The following HEMK2 variants were observed in gnomAD, a reference collection of about 807,000 sequenced individuals.
HEMK2 encodes the protein methyltransferase HEMK2.
chr21:28,621,865 G>A, the HEMK2 span, among the ~76,000 whole-genome samples: 1,910 of 152,268 alleles, frequency 0.013, 35 homozygotes, highest in African/African-American at 0.044. Context: ...AGGTCACTGG[G>A]GATATGATGG....
the HEMK2 span, among the ~76,000 whole-genome samples, chr21:28,826,466 C>A: frequency 6.6e-6 from 1 of 152,154 alleles, no homozygotes; most frequent in East Asian, 1.9e-4. Context: ...GTGTCATTCC[C>A]AGCATGCCAG....
chr21:28,717,184 G>T, the HEMK2 span, among the ~76,000 whole-genome samples: 1 of 152,162 alleles, frequency 6.6e-6, no homozygotes, highest in Admixed American at 6.5e-5. Flanking sequence ...GTTTCAGTAG[G>T]ATTGGGACCA....
chr21:28,841,197 ATAT>A, the HEMK2 span, among the ~76,000 whole-genome samples: 1 of 19,938 alleles, frequency 5.0e-5, no homozygotes, highest in Non-Finnish European at 7.1e-5. Flanking sequence ...TATAATATAT[ATAT>A]TATATAATAT....
chr21:28,660,850 A>G, the HEMK2 span, among the ~76,000 whole-genome samples: 1 of 152,098 alleles, frequency 6.6e-6, no homozygotes, highest in South Asian at 2.1e-4. Flanking sequence ...ACAGAACTCA[A>G]TAGTGAAGCT....
chr21:28,689,495 T>C, the HEMK2 span, among the ~76,000 whole-genome samples: 1 of 152,258 alleles, frequency 6.6e-6, no homozygotes, highest in African/African-American at 2.4e-5. Context: ...CCAGCATGTA[T>C]ATCTCAGTAA....
At chr21:28,579,175 G>C in the HEMK2 span, among the ~76,000 whole-genome samples, 1 of 152,104 alleles carries the variant, frequency 6.6e-6, no homozygotes, top group East Asian at 1.9e-4. Context: ...GAATTCTGTT[G>C]GTAGAAATAT....
At chr21:28,834,879 T>C in the HEMK2 span, among the ~76,000 whole-genome samples, 5 of 152,072 alleles carry the variant, frequency 3.3e-5, no homozygotes, top group African/African-American at 4.8e-5. Context: ...GGCTTTCCCC[T>C]ACTTCCTAGA....
the HEMK2 span, among the ~76,000 whole-genome samples, chr21:28,735,253 G>A: frequency 1.3e-5 from 2 of 152,120 alleles, no homozygotes; most frequent in African/African-American, 4.8e-5. Flanking sequence ...TAGTACAATA[G>A]GACTGGGTTC....
the HEMK2 span, among the ~76,000 whole-genome samples, chr21:28,764,625 T>G: frequency 6.6e-6 from 1 of 152,098 alleles, no homozygotes; most frequent in African/African-American, 2.4e-5. Flanking sequence ...CAGGAGAGAA[T>G]AGCGAGGGCA....
the HEMK2 span, among the ~76,000 whole-genome samples, chr21:28,758,862 A>G: frequency 5.9e-5 from 9 of 152,190 alleles, no homozygotes; most frequent in African/African-American, 2.4e-5. Context: ...CAGAAAGTAC[A>G]CAATCCAGCA....
chr21:28,819,770 G>A, the HEMK2 span, among the ~76,000 whole-genome samples: 3 of 151,850 alleles, frequency 2.0e-5, no homozygotes, highest in African/African-American at 4.8e-5. Flanking sequence ...GGATGGTCTC[G>A]ATCTTTTGAC....
the HEMK2 span, chr21:28,883,018 A>G: frequency 6.2e-7 from 1 of 1,608,252 alleles, no homozygotes; most frequent in Non-Finnish European, 8.5e-7. Flanking sequence ...CATAGAGGCT[A>G]GGAATGCAGA....
chr21:28,708,498 T>G, the HEMK2 span, among the ~76,000 whole-genome samples: 1 of 152,184 alleles, frequency 6.6e-6, no homozygotes, highest in African/African-American at 2.4e-5. Context: ...GCAAATAAGA[T>G]ATCATGTGGG....
the HEMK2 span, among the ~76,000 whole-genome samples, chr21:28,597,333 G>C: frequency 1.3e-5 from 2 of 152,344 alleles, no homozygotes; most frequent in East Asian, 1.9e-4. Context: ...CTGTTAAGGA[G>C]AGAGGTGGGT....
chr21:28,818,001 G>C, the HEMK2 span, among the ~76,000 whole-genome samples: 2 of 152,196 alleles, frequency 1.3e-5, no homozygotes, highest in Non-Finnish European at 2.9e-5. Context: ...TTAATACTGA[G>C]TGTCAACTTA....
At chr21:28,651,984 T>C in the HEMK2 span, among the ~76,000 whole-genome samples, 2 of 152,234 alleles carry the variant, frequency 1.3e-5, no homozygotes, top group African/African-American at 2.4e-5. Flanking sequence ...AATTACCACA[T>C]TTCTGTGATT....
At chr21:28,697,627 A>T in the HEMK2 span, among the ~76,000 whole-genome samples, 1 of 152,016 alleles carries the variant, frequency 6.6e-6, no homozygotes, top group Non-Finnish European at 1.5e-5. Flanking sequence ...AGTTGTTGAA[A>T]AGAAGCTGCC....
the HEMK2 span, among the ~76,000 whole-genome samples, chr21:28,637,359 G>C: frequency 2.0e-5 from 3 of 151,484 alleles, no homozygotes. Context: ...TGATTTTTGA[G>C]ACACAATGAA....
At chr21:28,849,226 A>G in the HEMK2 span, among the ~76,000 whole-genome samples, 1 of 152,190 alleles carries the variant, frequency 6.6e-6, no homozygotes, top group Non-Finnish European at 1.5e-5. Context: ...TATGCAGACC[A>G]GGAGTGCCGA....
Sources: allele counts gnomAD v4.1 joint callset (sites outside exome capture counted in the v4.1 genomes callset), GRCh38; gene constraint gnomAD v4.1.1; transcripts MANE v1.5; gene names NCBI Gene and HGNC (gene_info 2026-07-23, HGNC 2026-07-21).